The following MMP13 variants were observed in gnomAD, a reference collection of about 807,000 sequenced individuals.
The protein encoded by MMP13 is matrix metallopeptidase 13.
MMP13 carries 45 observed loss-of-function variants against 52.1 expected under a neutral mutation model. That is an observed-to-expected ratio of 0.86 (90% CI 0.68 to 1.11). MMP13 has a LOEUF of 1.11. Among genes scored for constraint, MMP13 ranks in the 50% least tolerant of loss-of-function variants. MMP13 has a pLI of 0.00. For synonymous variants in MMP13, 200 were observed against 204.4 expected (o/e 0.98, Z 0.18); for missense variants, 576 against 583.8 (o/e 0.99, Z 0.14).
chr11:102,945,474 TG>T (rs782254456), intron 9 of MMP13, among the ~76,000 whole-genome samples, 171 bp downstream of exon 9: 24 of 152,138 alleles, frequency 1.6e-4, no homozygotes, highest in Non-Finnish European at 3.4e-4. Flanking sequence ...ATTCTAACCA[TG>T]TTTTTTTTGG....
rs1860453909 is a variant in MMP13, at chr11:102,944,083, A to G, written c.*183T>C. On this transcript the variant is annotated 3_prime_UTR_variant, in exon 10 of 10. Coordinates refer to ENST00000260302, the MANE Select transcript of MMP13 (RefSeq NM_002427.4). ...AGATCCTCCATTTCATTACTCTAACATTCTTCAATGTGGTTCCAGCCACGC... is the reference window on the plus strand; with the variant it reads ...AGATCCTCCATTTCATTACTCTAACGTTCTTCAATGTGGTTCCAGCCACGC... The G allele has an allele frequency of 1.0e-5, 6 of 602,056 alleles. No individual in the cohort carries two copies. Among genetic ancestry groups the G allele is most frequent in the Admixed American group, 6.5e-5 (3 of 45,912 alleles). 37.3% of individuals were successfully genotyped at this position (602,056 alleles called of 1,614,324 possible).
Position 102,955,424 on chromosome 11 carries a change from T to C in MMP13, c.190A>G (p.Met64Val), listed in dbSNP as rs111947721. The C allele has an allele frequency of 1.9e-6, 3 of 1,614,082 alleles. No homozygotes were observed. The highest frequency in any genetic ancestry group is 2.2e-5 in the East Asian group (1 of 44,878). The change falls in exon 2 of 10, where the codon ATG becomes GTG. Residue 64 changes from methionine (M) to valine (V), a missense_variant. Met to Val is a conservative substitution (Grantham distance 21, BLOSUM62 1). Coordinates refer to ENST00000260302, the MANE Select transcript of MMP13 (RefSeq NM_002427.4). This position sits in a 1 kb window ranked among gnomAD's most constrained non-coding sequence, Gnocchi z 4.9. ...TGCATTTCTCGGAGCCTCTCAGTCA[T>C]GGAGCTTGCTGCATTCTCCTTCAGG... is the stretch of plus-strand genomic sequence containing the variant. ...GILKENAASS[M>V]TERLREMQSF...
At chr11:102,950,510 G>T (rs1860594644) in intron 5 of MMP13, among the ~76,000 whole-genome samples, 1 of 151,576 alleles carries the variant, frequency 6.6e-6, no homozygotes, top group South Asian at 2.1e-4. Flanking sequence ...CAGAATTTGA[G>T]AAATTTTCCC....
intron 2 of MMP13, 116 bp from the exon 3 acceptor site, chr11:102,954,722 A>G: frequency 9.8e-7 from 1 of 1,018,268 alleles, no homozygotes; most frequent in South Asian, 1.4e-5. Context: ...TGAAAGTTCT[A>G]CTAGAGGTTT....
Position 102,955,492 on chromosome 11 carries a change from C to G in MMP13, c.122G>C (p.Arg41Pro). ...LSEEDLQFAE[R>P]YLRSYYHPTN... ...AGGATGGTAGTATGATCTCAGGTAGCGCTAGAAAAGACACCAAAATGAACT... is the reference window on the plus strand; with the variant it reads ...AGGATGGTAGTATGATCTCAGGTAGGGCTAGAAAAGACACCAAAATGAACT... Residue 41 changes from arginine (R) to proline (P), a missense_variant and splice_region_variant, in exon 2 of 10, where the codon CGC becomes CCC. Arg to Pro is a moderately radical substitution (Grantham distance 103). Coordinates refer to ENST00000260302, the MANE Select transcript of MMP13 (RefSeq NM_002427.4). This position sits in a 1 kb window ranked among gnomAD's most constrained non-coding sequence, Gnocchi z 4.9. 2.5e-6 allele frequency: 4 copies of G among 1,613,904 alleles called. No homozygotes were observed. Among genetic ancestry groups the G allele is most frequent in the Non-Finnish European group, 3.4e-6 (4 of 1,179,910 alleles).
intron 9 of MMP13, 112 bp from the exon 10 acceptor site, chr11:102,944,478 T>C (rs1860464492): frequency 2.6e-6 from 2 of 778,368 alleles, no homozygotes; most frequent in Non-Finnish European, 4.3e-6. Flanking sequence ...TTTCAAACTT[T>C]TTCTTTTTAA....
chr11:102,945,552 C>T, intron 9 of MMP13, 94 bp downstream of exon 9: 2 of 819,556 alleles, frequency 2.4e-6, no homozygotes, highest in Non-Finnish European at 4.2e-6. Flanking sequence ...TTTATTAACA[C>T]ATCTAGGTCC....
rs767108371 is a variant in MMP13, at chr11:102,955,215, G to C, written c.362+37C>G. 1 of 1,607,480 alleles carries C rather than the reference G, an allele frequency of 6.2e-7. No individual in the cohort carries two copies. Among genetic ancestry groups the C allele is most frequent in the African/African-American group, 1.3e-5 (1 of 74,760 alleles). On this transcript the variant is annotated intron_variant, in intron 2 of 9. Coordinates refer to ENST00000260302, the MANE Select transcript of MMP13 (RefSeq NM_002427.4). The surrounding 1 kb of genome is among the most constrained non-coding windows in gnomAD (Gnocchi z 4.9). Reference sequence around the variant, plus strand: ...TAGACATTTAATACTACAAGAAAAGGCTAACAAATATGAAAGAAAGATAGC... The same window carrying C: ...TAGACATTTAATACTACAAGAAAAGCCTAACAAATATGAAAGAAAGATAGC...
At chr11:102,945,878 T>C (rs781897909) in intron 8 of MMP13, 129 bp from the exon 9 acceptor site, 9 of 597,410 alleles carry the variant, frequency 1.5e-5, no homozygotes, top group Admixed American at 5.9e-5. Flanking sequence ...ATTTAAAGCA[T>C]CTGGTAGCTT....
rs554666847 is a variant in MMP13 at position 102,947,993 on chromosome 11, A to T, written c.1109T>A (p.Ile370Lys). The change falls in exon 8 of 10, where the codon ATA becomes AAA. Residue 370 changes from isoleucine (I) to lysine (K), a missense_variant. By Grantham distance (102) the Ile-to-Lys change is moderately radical. Transcript: ENST00000260302. ...YDILEGYPKK[I>K]SELGLPKEVK... ...TTCTTTTGGAAGACCCAGTTCAGAT[A>T]TTTTTTTGGGATAACCTTCCAGAAT... 12 of 1,613,766 alleles carry T rather than the reference A, an allele frequency of 7.4e-6. No homozygotes were observed. The highest frequency in any genetic ancestry group is 2.2e-5 in the East Asian group (1 of 44,874).
chr11:102,948,985 C>T (rs1318634418), intron 7 of MMP13, 40 bp downstream of exon 7: 1 of 1,612,646 alleles, frequency 6.2e-7, no homozygotes, highest in Non-Finnish European at 8.5e-7. Context: ...AGCACTGCCT[C>T]CCCTGGTCTT....
At chr11:102,948,405 G>A (rs546391094) in intron 7 of MMP13, among the ~76,000 whole-genome samples, 1 of 151,890 alleles carries the variant, frequency 6.6e-6, no homozygotes, top group African/African-American at 2.4e-5. Flanking sequence ...AAACTCAAAC[G>A]TTACACCAGT....
rs782292241 is a variant in MMP13 at position 102,947,967 on chromosome 11, C to G, written c.1135G>C (p.Val379Leu). 9.9e-6 allele frequency: 16 copies of G among 1,613,894 alleles called. No individual in the cohort carries two copies. The highest frequency in any genetic ancestry group is 1.3e-5 in the Non-Finnish European group (15 of 1,179,898). ...TGAACAGCTGCACTTATCTTCTTAA[C>G]TTCTTTTGGAAGACCCAGTTCAGAT... is the stretch of plus-strand genomic sequence containing the variant. ...KISELGLPKE[V>L]KKISAAVHFE... Residue 379 changes from valine (V) to leucine (L), a missense_variant, in exon 8 of 10, where the codon GTT (valine) becomes CTT (leucine). Coordinates refer to ENST00000260302, the MANE Select transcript of MMP13 (RefSeq NM_002427.4).
Position 102,955,586 on chromosome 11 carries a change from C to T in MMP13, c.120G>A (p.Glu40=). 6.2e-7 allele frequency: 1 copy of T among 1,613,990 alleles called. No homozygotes were observed. The highest frequency in any genetic ancestry group is 8.5e-7 in the Non-Finnish European group (1 of 1,179,912). Residue 40 remains glutamate, a splice_region_variant and synonymous_variant, in exon 1 of 10, where the codon GAG becomes GAA. Transcript: ENST00000260302. This position sits in a 1 kb window ranked among gnomAD's most constrained non-coding sequence, Gnocchi z 4.9. ...DLSEEDLQFA[E]RYLRSYYHPT... is the part of the protein sequence containing the mutation. ...CATCAGGATTGGCAAGATACTCTAC[C>T]TCTGCAAACTGGAGGTCTTCCTCAG... is the stretch of plus-strand genomic sequence containing the variant.
At chr11:102,954,076 T>C in intron 4 of MMP13, 80 bp downstream of exon 4, 7 of 1,507,628 alleles carry the variant, frequency 4.6e-6, no homozygotes, top group Non-Finnish European at 6.4e-6. Flanking sequence ...TATTTAACTT[T>C]TATGTGTTTT....
chr11:102,953,052 G>A (rs1416833386), intron 4 of MMP13, among the ~76,000 whole-genome samples: 2 of 152,058 alleles, frequency 1.3e-5, no homozygotes, highest in Non-Finnish European at 2.9e-5. Context: ...GACCATGAGA[G>A]CAATTAGAGG....
rs754032807 is a variant in MMP13, at chr11:102,955,697, T to C, written c.9A>G (p.Pro3=). The change falls in exon 1 of 10, where the codon CCA becomes CCG. Residue 3 remains proline (P), a synonymous_variant. Transcript: ENST00000260302. This position sits in a 1 kb window ranked among gnomAD's most constrained non-coding sequence, Gnocchi z 4.9. MH[P]GVLAAFLFLS... is the part of the protein sequence containing the mutation. ...AGAAGAGGAAGGCAGCCAGGACCCC[T>C]GGATGCATCTTGAATGGTGATGCCT... 1 of 1,613,920 alleles carries C rather than the reference T, an allele frequency of 6.2e-7. No homozygotes were observed. The highest frequency in any genetic ancestry group is 8.5e-7 in the Non-Finnish European group (1 of 1,179,868).
intron 7 of MMP13, 118 bp downstream of exon 7, chr11:102,948,907 C>T: frequency 2.2e-6 from 3 of 1,385,670 alleles, no homozygotes; most frequent in Non-Finnish European, 2.0e-6. Context: ...TTTTTTAATA[C>T]TTGGTCTTTA....
chr11:102,948,276 TATCAC>T (rs1860549076), intron 7 of MMP13, among the ~76,000 whole-genome samples: 1 of 152,190 alleles, frequency 6.6e-6, no homozygotes, highest in African/African-American at 2.4e-5. Context: ...GCTAATCAAA[TATCAC>T]AGTTAACTTG....
Sources: allele counts gnomAD v4.1 joint callset (sites outside exome capture counted in the v4.1 genomes callset), GRCh38; gene constraint gnomAD v4.1.1; non-coding constraint Gnocchi (gnomAD v3.1); transcripts MANE v1.5; gene names NCBI Gene and HGNC (gene_info 2026-07-23, HGNC 2026-07-21).